The following NPAS2 variants were observed in gnomAD, a reference collection of about 807,000 sequenced individuals.
NPAS2 encodes the protein neuronal PAS domain protein 2.
A neutral mutation model predicts 107.5 loss-of-function variants in NPAS2; 23 were observed. The observed-to-expected ratio is 0.21, with a 90% CI of 0.15 to 0.30. The LOEUF is 0.30. NPAS2 is among the 10% of genes least tolerant of loss of function. The pLI is 1.00. For synonymous variants in NPAS2, 403 were observed against 417.5 expected (o/e 0.97, Z 0.42); for missense variants, 756 against 1,043.3 (o/e 0.72, Z 3.79).
intron 7 of NPAS2, among the ~76,000 whole-genome samples, chr2:100,960,437 C>A (rs1675851915): frequency 6.6e-6 from 1 of 151,692 alleles, no homozygotes; most frequent in South Asian, 2.1e-4. Context: ...GTGGCACATG[C>A]CTGGGGCACA....
chr2:100,882,225 C>T (rs548400281), intron 1 of NPAS2, among the ~76,000 whole-genome samples: 19 of 152,314 alleles, frequency 1.2e-4, no homozygotes, highest in East Asian at 1.2e-3. Flanking sequence ...CCCAGGAAGG[C>T]GGCACTGCCA....
chr2:100,844,516 C>T (rs774935255), intron 1 of NPAS2, among the ~76,000 whole-genome samples: 3 of 152,140 alleles, frequency 2.0e-5, no homozygotes, highest in East Asian at 1.9e-4. Context: ...CATGATTCCC[C>T]GCCAGCTCTG....
intron 2 of NPAS2, among the ~76,000 whole-genome samples, chr2:100,923,239 G>C (rs1346740312): frequency 6.6e-6 from 1 of 152,140 alleles, no homozygotes; most frequent in Non-Finnish European, 1.5e-5. Context: ...GCCAAGAACA[G>C]ACAGGGAGGA....
intron 16 of NPAS2, chr2:100,983,866 A>G (rs1040590992): frequency 1.3e-5 from 2 of 152,190 alleles, no homozygotes; most frequent in African/African-American, 4.8e-5. Context: ...AATTACTTTA[A>G]TGGAATTTTT....
chr2:100,827,737 A>C (rs1232425866), intron 1 of NPAS2, among the ~76,000 whole-genome samples: 1 of 152,218 alleles, frequency 6.6e-6, no homozygotes, highest in Non-Finnish European at 1.5e-5. Flanking sequence ...TTATGGCTGC[A>C]TAGTATTCCA....
intron 1 of NPAS2, among the ~76,000 whole-genome samples, chr2:100,864,625 A>G (rs1330796601): frequency 6.6e-6 from 1 of 152,228 alleles, no homozygotes; most frequent in Non-Finnish European, 1.5e-5. Flanking sequence ...CATCTACATA[A>G]CAAAGAAAAA....
chr2:100,951,711 GT>G (rs1294759843), intron 7 of NPAS2, among the ~76,000 whole-genome samples: 2 of 152,166 alleles, frequency 1.3e-5, no homozygotes, highest in Non-Finnish European at 2.9e-5. Flanking sequence ...TGGGGACAGA[GT>G]TTCAGTTTTG....
At chr2:100,915,570 A>G (rs1682832324) in intron 2 of NPAS2, among the ~76,000 whole-genome samples, 1 of 152,218 alleles carries the variant, frequency 6.6e-6, no homozygotes, top group Non-Finnish European at 1.5e-5. Flanking sequence ...ATGACTGGCC[A>G]TGTGGAACAT....
At chr2:100,847,318 A>C (rs1389766909) in intron 1 of NPAS2, 1 of 152,244 alleles carries the variant, frequency 6.6e-6, no homozygotes, top group African/African-American at 2.4e-5. Flanking sequence ...ACTGTCACTT[A>C]AAATGGTTAA....
chr2:100,990,532 C>T, intron 18 of NPAS2, 86 bp downstream of exon 18: 1 of 1,399,444 alleles, frequency 7.1e-7, no homozygotes, highest in Non-Finnish European at 1.0e-6. Flanking sequence ...TAGACGGAGG[C>T]AGAGTTCAGA....
chr2:100,969,972 C>A lies in NPAS2; in HGVS notation c.1056-1018C>A, dbSNP rs541350714. 5.9e-5 allele frequency among the ~76,000 whole-genome samples: 9 copies of A among 152,340 alleles called. No individual in the cohort carries two copies. The South Asian group carries it at 1.9e-3, about 32-fold the overall frequency. Reference sequence around the variant, plus strand: ...GACAGACAGACACTACACACACTCACACCATACATGTATCAGGTCACCAAA... The same window carrying A: ...GACAGACAGACACTACACACACTCAAACCATACATGTATCAGGTCACCAAA... On this transcript the variant is annotated intron_variant, in intron 11 of 20. Coordinates refer to ENST00000335681, the MANE Select transcript of NPAS2 (RefSeq NM_002518.4).
intron 8 of NPAS2, among the ~76,000 whole-genome samples, chr2:100,964,496 G>A (rs767082908): frequency 3.3e-5 from 5 of 152,200 alleles, no homozygotes; most frequent in Non-Finnish European, 5.9e-5. Context: ...GTGTTGGAGC[G>A]CTGGGGGTTT....
intron 1 of NPAS2, among the ~76,000 whole-genome samples, chr2:100,850,011 T>TAAAAAAAAAAAAA (rs58359292): frequency 7.1e-5 from 4 of 56,206 alleles, no homozygotes; most frequent in African/African-American, 3.1e-4. Flanking sequence ...ACTCTTTTTG[T>TAAAAAAAAAAAAA]AAAAAAAAAA....
chr2:100,989,971 C>T (rs996057455), intron 17 of NPAS2: 7 of 395,556 alleles, frequency 1.8e-5, no homozygotes, highest in African/African-American at 1.4e-4. Flanking sequence ...GAGAAACAGC[C>T]AGGAGGGCCA....
Position 100,829,019 on chromosome 2 carries a change from A to G in NPAS2, c.-23+8605A>G, listed in dbSNP as rs185434108. Among the ~76,000 whole-genome samples, 315 of 152,268 alleles carry G rather than the reference A, an allele frequency of 2.1e-3. 1 individual carries two copies. The highest frequency in any genetic ancestry group is 6.8e-3 in the Middle Eastern group (2 of 294). On this transcript the variant is annotated intron_variant, in intron 1 of 20. Coordinates refer to ENST00000335681, the MANE Select transcript of NPAS2 (RefSeq NM_002518.4). ...GCATTTTAATAATATTGATTCTTCC[A>G]ATCCATGAGCATGGAATGTTTCTCC...
Position 100,968,184 on chromosome 2 carries a change from C to CT in NPAS2, c.908-88dup, listed in dbSNP as rs571994064. On this transcript the variant is annotated intron_variant, in intron 10 of 20. Coordinates refer to ENST00000335681, the MANE Select transcript of NPAS2 (RefSeq NM_002518.4). This position sits in a 1 kb window ranked among gnomAD's most constrained non-coding sequence, Gnocchi z 5.3. The stretch of plus-strand genomic sequence containing the variant: ...GGAAACAAGCCATGTTTGGTATTGT[C>CT]TTTTTTTTTGAAAGCTTATCTTTAC... 1,093 of 1,315,182 alleles carry CT rather than the reference C, an allele frequency of 8.3e-4. No homozygotes were observed. The highest frequency in any genetic ancestry group is 9.3e-4 in the Non-Finnish European group (873 of 938,466). The allele number at this position is 1,315,182 out of a possible 1,614,324, so 81.5% of individuals were successfully genotyped here.
At position 100,984,803 on chromosome 2, in the gene NPAS2, G is replaced by C. The variant is rs531340273; in HGVS notation, c.1629+2426G>C. On this transcript the variant is annotated intron_variant, in intron 16 of 20. Transcript: ENST00000335681. ...CCTTTATCCCAACCTCAGTGGACTT[G>C]TGATGCTTTACTTCATTGCTTCAAA... 3 of 152,128 alleles carry C rather than the reference G, an allele frequency of 2.0e-5. No homozygotes were observed. The South Asian group carries it at 6.2e-4, about 32-fold the overall frequency. 9.4% of individuals were successfully genotyped at this position (152,128 alleles called of 1,614,324 possible).
chr2:100,820,891 C>CT lies in NPAS2; in HGVS notation c.-23+478dup, dbSNP rs1676030205. 3.2e-5 allele frequency: 15 copies of CT among 469,148 alleles called. No homozygotes were observed. Among genetic ancestry groups the CT allele is most frequent in the South Asian group, 2.7e-4 (13 of 48,658 alleles). The allele number at this position is 469,148 out of a possible 1,614,324, so 29.1% of individuals were successfully genotyped here. ...CTGGGCCCGCGGTCTCTCGGAGTCC[C>CT]TGGGTCGGAATTGGTTCCGGGCCGG... On this transcript the variant is annotated intron_variant, in intron 1 of 20. Transcript: ENST00000335681. The surrounding 1 kb of genome is among the most constrained non-coding windows in gnomAD (Gnocchi z 5.6).
chr2:100,941,238 G>A (rs1163151993), intron 5 of NPAS2, among the ~76,000 whole-genome samples: 1 of 152,208 alleles, frequency 6.6e-6, no homozygotes, highest in East Asian at 1.9e-4. Flanking sequence ...AGAGAAAAAA[G>A]AGAATAAAAT....
Sources: gnomAD v4.1 joint callset for allele counts (sites outside exome capture counted in the v4.1 genomes callset) on GRCh38, gnomAD v4.1.1 for gene constraint, Gnocchi (gnomAD v3.1) non-coding constraint, MANE v1.5 for transcripts, NCBI Gene and HGNC (gene_info 2026-07-23, HGNC 2026-07-21) for gene names.